RAI14: variants seen among roughly 807,000 people sequenced by gnomAD.
The protein encoded by RAI14 is ankycorbin.
In RAI14, 45 loss-of-function variants were observed where a neutral mutation model predicts 115.4. The ratio of observed to expected loss-of-function variants is 0.39; its 90% CI spans 0.31 to 0.50. RAI14 has a LOEUF of 0.50. Among genes scored for constraint, RAI14 ranks in the 20% least tolerant of loss-of-function variants. RAI14 has a pLI of 0.85. For missense variants in RAI14, 939 were observed against 1,131.2 expected, an observed-to-expected ratio of 0.83 and a Z score of 2.44; for synonymous variants, 371 against 415.4, an observed-to-expected ratio of 0.89 and a Z score of 1.30.
At chr5:34,801,809 G>A (rs974405485) in intron 4 of RAI14, among the ~76,000 whole-genome samples, 5 of 152,080 alleles carry the variant, frequency 3.3e-5, no homozygotes, top group African/African-American at 7.2e-5. Context: ...GGTGGCTCAC[G>A]CCTGTAATCC....
rs138866568 is a variant in RAI14, at chr5:34,687,444, C to T, written c.36+489C>T. 6.5e-6 allele frequency: 5 copies of T among 774,968 alleles called. No individual in the cohort carries two copies. In the East Asian group the frequency reaches 1.8e-4, roughly 27 times the overall value. The allele number at this position is 774,968 out of a possible 1,614,324, so 48.0% of individuals were successfully genotyped here. On this transcript the variant is annotated intron_variant, in intron 2 of 17. Coordinates refer to ENST00000265109, the MANE Select transcript of RAI14 (RefSeq NM_015577.3). ...ACTGCTGCCCGTACCTTTCCTCCCC[C>T]CGAATTCCAGGGACTCGTACTCATT...
intron 5 of RAI14, among the ~76,000 whole-genome samples, chr5:34,806,817 T>C (rs1414353376): frequency 6.6e-6 from 1 of 152,116 alleles, no homozygotes; most frequent in East Asian, 1.9e-4. Flanking sequence ...AGGCAGTGGG[T>C]TATCAAGCCT....
At chr5:34,780,999 A>G (rs1412371372) in intron 3 of RAI14, among the ~76,000 whole-genome samples, 2 of 152,196 alleles carry the variant, frequency 1.3e-5, no homozygotes, top group Non-Finnish European at 2.9e-5. Flanking sequence ...GACTGGATTA[A>G]GAAAATGTGG....
intron 1 of RAI14, among the ~76,000 whole-genome samples, chr5:34,665,492 T>TC (rs1488579721): frequency 2.7e-5 from 4 of 150,028 alleles, no homozygotes; most frequent in Admixed American, 2.0e-4. Flanking sequence ...CATTTTTTTT[T>TC]CTTTTTTTTT....
chr5:34,694,911 G>A (rs1739034672), intron 2 of RAI14, among the ~76,000 whole-genome samples: 2 of 152,010 alleles, frequency 1.3e-5, no homozygotes, highest in Admixed American at 1.3e-4. Flanking sequence ...GTGTGTGTAT[G>A]TGTGTGTGAC....
intron 3 of RAI14, among the ~76,000 whole-genome samples, chr5:34,778,653 C>T (rs1473377218): frequency 6.6e-6 from 1 of 151,820 alleles, no homozygotes; most frequent in Non-Finnish European, 1.5e-5. Flanking sequence ...TTTGGTGGCT[C>T]ACACCTGTAA....
At chr5:34,802,176 A>G (rs1164047494) in intron 4 of RAI14, among the ~76,000 whole-genome samples, 1 of 152,182 alleles carries the variant, frequency 6.6e-6, no homozygotes, top group African/African-American at 2.4e-5. Flanking sequence ...CCTCTAGTGG[A>G]TAGAGGCCAG....
rs1757574521 is a variant in RAI14 at position 34,827,571 on chromosome 5, C to T, written c.2799+1092C>T. On this transcript the variant is annotated intron_variant, in intron 16 of 17. Coordinates refer to ENST00000265109, the MANE Select transcript of RAI14 (RefSeq NM_015577.3). This position sits in a 1 kb window ranked among gnomAD's most constrained non-coding sequence, Gnocchi z 4.2. ...ACCTAACTGTAGTGAATTCAGGTTT[C>T]TGCAGTCCTTACTCTGGCTGGCCAC... Among the ~76,000 whole-genome samples the T allele has an allele frequency of 6.6e-6, 1 of 152,138 alleles. No homozygotes were observed.
chr5:34,728,438 T>A (rs369050908), intron 2 of RAI14: 2 of 152,150 alleles, frequency 1.3e-5, no homozygotes, highest in African/African-American at 4.8e-5. Context: ...ATTGTAATAA[T>A]CCTCACTCCA....
chr5:34,795,860 G>GA, intron 3 of RAI14, 79 bp from the exon 4 acceptor site: 1 of 1,161,000 alleles, frequency 8.6e-7, no homozygotes, highest in Admixed American at 1.8e-5. Flanking sequence ...AAATGGCGGG[G>GA]GGCGGGGGGG....
Position 34,715,295 on chromosome 5 carries a change from G to A in RAI14, c.36+28340G>A, listed in dbSNP as rs117188134. Among the ~76,000 whole-genome samples, 591 of 152,216 alleles carry A rather than the reference G, an allele frequency of 3.9e-3. 10 individuals are homozygous for A. The highest frequency in any genetic ancestry group is 0.034 in the Admixed American group (515 of 15,290). ...CTGAAACTATCATGGCACTCGTGGGGGAGTTGATTAAGTATGCTAATGAGT... is the reference window on the plus strand; with the variant it reads ...CTGAAACTATCATGGCACTCGTGGGAGAGTTGATTAAGTATGCTAATGAGT... On this transcript the variant is annotated intron_variant, in intron 2 of 17. Coordinates refer to ENST00000265109, the MANE Select transcript of RAI14 (RefSeq NM_015577.3).
chr5:34,821,820 A>C lies in RAI14; in HGVS notation c.1083A>C (p.Leu361Phe). 6.2e-7 allele frequency: 1 copy of C among 1,601,258 alleles called. No individual in the cohort carries two copies. The highest frequency in any genetic ancestry group is 1.7e-5 in the Admixed American group (1 of 59,998). Reference sequence around the variant, plus strand: ...AAGCAAAAGTTGCTTCCCTTACCTTACACAATAAGGAGTTACAAGATAAAT... The same window carrying C: ...AAGCAAAAGTTGCTTCCCTTACCTTCCACAATAAGGAGTTACAAGATAAAT... ...LLQAKVASLT[L>F]HNKELQDKLQ... Residue 361 changes from leucine to phenylalanine, a missense_variant, in exon 14 of 18, where the codon TTA (leucine) becomes TTC (phenylalanine). Transcript: ENST00000265109.
chr5:34,720,401 A>ATTTT (rs35380327), intron 2 of RAI14, among the ~76,000 whole-genome samples: 4 of 80,230 alleles, frequency 5.0e-5, no homozygotes, highest in Non-Finnish European at 6.9e-5. Context: ...CCTGTCTCAG[A>ATTTT]TTTTTTTTTT....
At chr5:34,728,906 ACT>A (rs753272586) in intron 2 of RAI14, among the ~76,000 whole-genome samples, 1 of 152,082 alleles carries the variant, frequency 6.6e-6, no homozygotes. Flanking sequence ...TGGGCAACAG[ACT>A]CTGTCTCTAA....
chr5:34,796,330 G>A lies in RAI14; in HGVS notation c.256+303G>A, dbSNP rs3852182. Among the ~76,000 whole-genome samples, 613 of 151,922 alleles carry A rather than the reference G, an allele frequency of 4.0e-3. 4 individuals carry two copies. The highest frequency in any genetic ancestry group is 0.014 in the African/African-American group (577 of 41,418). ...TGAGAATCACTGGAATCCTGGAGGC[G>A]GAGGTTGCAGTGAGCCGAGATTGTG... On this transcript the variant is annotated intron_variant, in intron 4 of 17. Transcript: ENST00000265109.
chr5:34,684,044 A>G (rs1744604485), intron 1 of RAI14, among the ~76,000 whole-genome samples: 1 of 152,112 alleles, frequency 6.6e-6, no homozygotes, highest in Admixed American at 6.5e-5. Context: ...TCCACTTTCT[A>G]GCAACAGTTG....
chr5:34,663,923 C>T (rs899358336), intron 1 of RAI14, among the ~76,000 whole-genome samples: 4 of 152,216 alleles, frequency 2.6e-5, no homozygotes, highest in Admixed American at 6.5e-5. Context: ...AGTGTCACCT[C>T]ATCTAACCTT....
intron 3 of RAI14, 142 bp downstream of exon 3, chr5:34,757,740 A>G: frequency 8.9e-7 from 1 of 1,125,558 alleles, no homozygotes; most frequent in Admixed American, 3.4e-5. Flanking sequence ...ATTTTAATCT[A>G]GTGCCTTTCT....
chr5:34,749,237 A>G (rs974542781), intron 2 of RAI14, among the ~76,000 whole-genome samples: 42 of 152,224 alleles, frequency 2.8e-4, no homozygotes, highest in Non-Finnish European at 1.2e-4. Context: ...ATTCCTCCAG[A>G]TGGCTGCCCG....
Sources: allele counts gnomAD v4.1 joint callset (sites outside exome capture counted in the v4.1 genomes callset), GRCh38; gene constraint gnomAD v4.1.1; non-coding constraint Gnocchi (gnomAD v3.1); transcripts MANE v1.5; gene names NCBI Gene and HGNC (gene_info 2026-07-23, HGNC 2026-07-21).